NMNAT2: variants seen among roughly 807,000 people sequenced by gnomAD.
NMNAT2 encodes the protein nicotinamide nucleotide adenylyltransferase 2.
Under a neutral mutation model 41.6 loss-of-function variants are expected in NMNAT2, and 11 were observed. That is an observed-to-expected ratio of 0.26 (90% CI 0.17 to 0.44). NMNAT2 has a LOEUF of 0.44. Among genes scored for constraint, NMNAT2 ranks in the 20% least tolerant of loss-of-function variants. The pLI, the probability that NMNAT2 is intolerant of heterozygous loss-of-function variation, is 1.00. For synonymous variants in NMNAT2, 148 were observed against 151.2 expected (o/e 0.98, Z 0.16); for missense variants, 288 against 407.7 (o/e 0.71, Z 2.53).
intron 1 of NMNAT2, among the ~76,000 whole-genome samples, chr1:183,323,946 G>C (rs1662408175): frequency 6.6e-6 from 1 of 152,218 alleles, no homozygotes. Context: ...AAATGAGGGA[G>C]TGAGGTTTAA....
At chr1:183,416,285 G>T (rs1649249459) in intron 1 of NMNAT2, among the ~76,000 whole-genome samples, 2 of 152,316 alleles carry the variant, frequency 1.3e-5, no homozygotes, top group South Asian at 4.1e-4. Context: ...GTACCTGCTG[G>T]GTCATCAAAG....
chr1:183,393,808 G>C (rs569257140), intron 1 of NMNAT2, among the ~76,000 whole-genome samples: 1 of 152,190 alleles, frequency 6.6e-6, no homozygotes, highest in South Asian at 2.1e-4. Context: ...CTCCCGCCTC[G>C]GCCTTCCAAA....
intron 1 of NMNAT2, among the ~76,000 whole-genome samples, chr1:183,378,684 A>AGCAAGT (rs1326624759): frequency 6.6e-6 from 1 of 152,240 alleles, no homozygotes; most frequent in Admixed American, 6.5e-5. Context: ...TGAGGAAGGT[A>AGCAAGT]GCAAGTTTTA....
intron 1 of NMNAT2, among the ~76,000 whole-genome samples, chr1:183,392,070 T>C (rs952243285): frequency 6.6e-6 from 1 of 152,208 alleles, no homozygotes; most frequent in Non-Finnish European, 1.5e-5. Context: ...CCTGACTTTA[T>C]TTACTATTTA....
intron 1 of NMNAT2, among the ~76,000 whole-genome samples, chr1:183,375,475 TG>T (rs1288890676): frequency 1.3e-5 from 2 of 152,326 alleles, no homozygotes; most frequent in African/African-American, 4.8e-5. Context: ...CTGTTTCCTG[TG>T]GCAATTCCTC....
At chr1:183,255,130 C>A (rs1361259911) in intron 10 of NMNAT2, among the ~76,000 whole-genome samples, 1 of 152,182 alleles carries the variant, frequency 6.6e-6, no homozygotes, top group Non-Finnish European at 1.5e-5. Context: ...ATTCTTTTGC[C>A]TGTAGAAATC....
intron 1 of NMNAT2, among the ~76,000 whole-genome samples, chr1:183,417,746 C>A (rs982361049): frequency 6.6e-6 from 1 of 152,164 alleles, no homozygotes; most frequent in African/African-American, 2.4e-5. Context: ...CATGATTTAA[C>A]TCCTTCGAGC....
At chr1:183,402,948 A>T (rs1557901221) in intron 1 of NMNAT2, among the ~76,000 whole-genome samples, 1 of 146,278 alleles carries the variant, frequency 6.8e-6, no homozygotes, top group Non-Finnish European at 1.5e-5. Context: ...TCATGCATAA[A>T]CAACATCATA....
intron 8 of NMNAT2, among the ~76,000 whole-genome samples, chr1:183,263,631 C>G (rs1009017799): frequency 6.6e-6 from 1 of 152,068 alleles, no homozygotes; most frequent in South Asian, 2.1e-4. Flanking sequence ...ACGGTGAAAC[C>G]CTGTCTCTAC....
At chr1:183,351,750 C>T (rs189880728) in intron 1 of NMNAT2, among the ~76,000 whole-genome samples, 1 of 152,244 alleles carries the variant, frequency 6.6e-6, no homozygotes. Context: ...AAGTGTTGGA[C>T]TGGGTGAGCT....
rs190424181 is a variant in NMNAT2, at chr1:183,334,664, C to A, written c.86-40871G>T. Among the ~76,000 whole-genome samples, 211 of 152,114 alleles carry A rather than the reference C, an allele frequency of 1.4e-3. 2 individuals are homozygous for A. In the East Asian group the frequency reaches 0.038, roughly 27 times the overall value. Reference sequence around the variant, plus strand: ...AGTTGGGATTACAGGCACCCACCACCAAGCCCAGCTAATTTTTGTATTTTT... The same window carrying A: ...AGTTGGGATTACAGGCACCCACCACAAAGCCCAGCTAATTTTTGTATTTTT... On this transcript the variant is annotated intron_variant, in intron 1 of 10. Coordinates refer to ENST00000287713, the MANE Select transcript of NMNAT2 (RefSeq NM_015039.4).
At chr1:183,287,944 G>C (rs1468945065) in intron 4 of NMNAT2, among the ~76,000 whole-genome samples, 1 of 152,158 alleles carries the variant, frequency 6.6e-6, no homozygotes, top group Non-Finnish European at 1.5e-5. Context: ...TAAGACTCCT[G>C]ATAGGAGGAG....
chr1:183,254,880 G>A (rs1660478500), intron 10 of NMNAT2, among the ~76,000 whole-genome samples: 1 of 152,102 alleles, frequency 6.6e-6, no homozygotes, highest in Non-Finnish European at 1.5e-5. Context: ...TTTTCATTTT[G>A]TTGGTTGTTT....
intron 10 of NMNAT2, among the ~76,000 whole-genome samples, chr1:183,253,937 GTGTGTGTA>G (rs1242707361): frequency 3.6e-5 from 5 of 140,376 alleles, no homozygotes; most frequent in African/African-American, 7.7e-5. Context: ...GTGTGTGTGT[GTGTGTGTA>G]TGTGTGTGTG....
chr1:183,303,655 C>T (rs776019964), intron 1 of NMNAT2, among the ~76,000 whole-genome samples: 4 of 152,336 alleles, frequency 2.6e-5, no homozygotes, highest in East Asian at 1.9e-4. Flanking sequence ...CTTCAGGGAG[C>T]GTGAAACAGA....
chr1:183,408,873 T>TA (rs1054538292), intron 1 of NMNAT2, among the ~76,000 whole-genome samples: 14 of 152,128 alleles, frequency 9.2e-5, no homozygotes, highest in African/African-American at 3.1e-4. Flanking sequence ...TCTCTTTTTT[T>TA]AAAAAAAGTC....
chr1:183,357,547 T>C (rs555513076), intron 1 of NMNAT2, among the ~76,000 whole-genome samples: 3 of 152,264 alleles, frequency 2.0e-5, no homozygotes, highest in South Asian at 4.1e-4. Context: ...TCAAATTCAA[T>C]AGAACATCTC....
intron 1 of NMNAT2, among the ~76,000 whole-genome samples, chr1:183,327,488 C>T (rs1334337298): frequency 1.3e-5 from 2 of 152,250 alleles, no homozygotes; most frequent in African/African-American, 2.4e-5. Context: ...GCCATATTTG[C>T]AGGCATTCCT....
chr1:183,410,905 A>T (rs1028687485), intron 1 of NMNAT2, among the ~76,000 whole-genome samples: 1 of 151,912 alleles, frequency 6.6e-6, no homozygotes, highest in African/African-American at 2.4e-5. Flanking sequence ...TTTTGTAGAG[A>T]TGGGGTCTCA....
Sources: allele counts gnomAD v4.1 joint callset (sites outside exome capture counted in the v4.1 genomes callset), GRCh38; gene constraint gnomAD v4.1.1; transcripts MANE v1.5; gene names NCBI Gene and HGNC (gene_info 2026-07-23, HGNC 2026-07-21).